Variants in PLPPR1 observed in about 807,000 individuals in gnomAD.
PLPPR1 encodes the protein phospholipid phosphatase related 1.
A neutral mutation model predicts 33.1 loss-of-function variants in PLPPR1; 10 were observed. The observed-to-expected ratio is 0.30, with a 90% CI of 0.19 to 0.51. PLPPR1 has a LOEUF of 0.51. Among genes scored for constraint, PLPPR1 ranks in the 20% least tolerant of loss-of-function variants. The pLI is 0.97. For synonymous variants in PLPPR1, 151 were observed against 151.0 expected (o/e 1.00, Z 0.00); for missense variants, 304 against 408.1 (o/e 0.74, Z 2.20).
At chr9:101,280,733 A>G (rs1332694861) in intron 3 of PLPPR1, among the ~76,000 whole-genome samples, 1 of 152,194 alleles carries the variant, frequency 6.6e-6, no homozygotes, top group African/African-American at 2.4e-5. Flanking sequence ...TTTCATAATT[A>G]AAAACCCTCA....
chr9:101,244,066 A>G (rs770797172), intron 2 of PLPPR1, among the ~76,000 whole-genome samples: 2 of 151,978 alleles, frequency 1.3e-5, no homozygotes, highest in Non-Finnish European at 2.9e-5. Context: ...GATATATTCA[A>G]GAAAAAATGG....
chr9:101,252,971 G>A (rs1827738663), intron 2 of PLPPR1, among the ~76,000 whole-genome samples: 1 of 152,018 alleles, frequency 6.6e-6, no homozygotes, highest in Admixed American at 6.6e-5. Flanking sequence ...AAAAACTCAT[G>A]ATGAGAAAAT....
At chr9:101,041,461 G>A (rs760707683) in intron 1 of PLPPR1, among the ~76,000 whole-genome samples, 2 of 152,168 alleles carry the variant, frequency 1.3e-5, no homozygotes, top group Admixed American at 6.5e-5. Context: ...AAAATATTTA[G>A]GACATATACC....
chr9:101,171,816 G>A (rs1825946059), intron 1 of PLPPR1, among the ~76,000 whole-genome samples: 1 of 152,070 alleles, frequency 6.6e-6, no homozygotes, highest in East Asian at 1.9e-4. Flanking sequence ...TCTTAGTTGA[G>A]GATCATGTAC....
chr9:101,158,463 G>A (rs1831727086), intron 1 of PLPPR1, among the ~76,000 whole-genome samples: 2 of 152,150 alleles, frequency 1.3e-5, no homozygotes, highest in Non-Finnish European at 2.9e-5. Context: ...AGACAAAAAA[G>A]CAGATACAAA....
At chr9:101,081,908 G>C (rs1246115660) in intron 1 of PLPPR1, among the ~76,000 whole-genome samples, 1 of 152,206 alleles carries the variant, frequency 6.6e-6, no homozygotes, top group Non-Finnish European at 1.5e-5. Context: ...CCTTTGTAAG[G>C]CACAACAATT....
chr9:101,283,365 A>C (rs1303068906), intron 3 of PLPPR1, among the ~76,000 whole-genome samples: 1 of 152,248 alleles, frequency 6.6e-6, no homozygotes, highest in African/African-American at 2.4e-5. Context: ...CCACACGTTT[A>C]TAGCCAACTG....
At chr9:101,043,556 TCG>T in intron 1 of PLPPR1, among the ~76,000 whole-genome samples, 1 of 152,206 alleles carries the variant, frequency 6.6e-6, no homozygotes, top group South Asian at 2.1e-4. Flanking sequence ...GATGGGTATT[TCG>T]GCTGTTTCTA....
intron 4 of PLPPR1, among the ~76,000 whole-genome samples, chr9:101,287,197 C>A (rs1828407540): frequency 6.6e-6 from 1 of 152,150 alleles, no homozygotes; most frequent in African/African-American, 2.4e-5. Context: ...AAGAAGTAAC[C>A]CTTAACATTA....
chr9:101,276,303 A>G (rs1421372453), intron 3 of PLPPR1, among the ~76,000 whole-genome samples: 1 of 151,994 alleles, frequency 6.6e-6, no homozygotes, highest in Admixed American at 6.6e-5. Flanking sequence ...TCTGGAAAAA[A>G]TTTCTAGATA....
chr9:101,068,469 A>G (rs1039511776), intron 1 of PLPPR1, among the ~76,000 whole-genome samples: 4 of 152,036 alleles, frequency 2.6e-5, no homozygotes. Flanking sequence ...TACATTTTCA[A>G]TATTTTTTTT....
chr9:101,159,701 A>G (rs933381659), intron 1 of PLPPR1, among the ~76,000 whole-genome samples: 6 of 152,232 alleles, frequency 3.9e-5, no homozygotes, highest in Non-Finnish European at 7.3e-5. Context: ...GCAAAAGCAC[A>G]AAGATTCCAG....
At chr9:101,197,956 TG>T (rs1480964338) in intron 2 of PLPPR1, among the ~76,000 whole-genome samples, 1 of 152,218 alleles carries the variant, frequency 6.6e-6, no homozygotes, top group African/African-American at 2.4e-5. Context: ...ACATTCTATG[TG>T]GTTTTCACCA....
At chr9:101,098,852 T>A (rs183348793) in intron 1 of PLPPR1, among the ~76,000 whole-genome samples, 1 of 152,110 alleles carries the variant, frequency 6.6e-6, no homozygotes, top group Non-Finnish European at 1.5e-5. Context: ...TTTTCAAATA[T>A]GGAAAGTGAG....
At chr9:101,291,502 A>G (rs1375413239) in intron 4 of PLPPR1, among the ~76,000 whole-genome samples, 1 of 151,758 alleles carries the variant, frequency 6.6e-6, no homozygotes, top group Non-Finnish European at 1.5e-5. Context: ...TGGGTCCCTG[A>G]CCCCTGACCC....
chr9:101,065,555 A>T (rs1830401052), intron 1 of PLPPR1, among the ~76,000 whole-genome samples: 1 of 152,060 alleles, frequency 6.6e-6, no homozygotes, highest in Admixed American at 6.6e-5. Flanking sequence ...CCTGGTCACA[A>T]TTCTGTAGGA....
intron 1 of PLPPR1, among the ~76,000 whole-genome samples, chr9:101,058,320 G>C (rs1830303236): frequency 6.7e-6 from 1 of 149,004 alleles, no homozygotes; most frequent in South Asian, 2.2e-4. Flanking sequence ...GCTCACATAA[G>C]ATACTTCATG....
chr9:101,280,919 T>C (rs977337476), intron 3 of PLPPR1, among the ~76,000 whole-genome samples: 1 of 151,976 alleles, frequency 6.6e-6, no homozygotes, highest in Non-Finnish European at 1.5e-5. Flanking sequence ...AAGTGCTAGC[T>C]AGAGCAATCA....
At chr9:101,282,901 G>T (rs187940391) in intron 3 of PLPPR1, among the ~76,000 whole-genome samples, 1 of 152,140 alleles carries the variant, frequency 6.6e-6, no homozygotes, top group Non-Finnish European at 1.5e-5. Flanking sequence ...AAAAGAATGG[G>T]AAGATATTCT....
Sources: gnomAD v4.1 joint callset for allele counts (sites outside exome capture counted in the v4.1 genomes callset) on GRCh38, gnomAD v4.1.1 for gene constraint, MANE v1.5 for transcripts, NCBI Gene and HGNC (gene_info 2026-07-23, HGNC 2026-07-21) for gene names.